Variants in PRRC2C observed in about 807,000 individuals in gnomAD.
The protein encoded by PRRC2C is protein PRRC2C.
A neutral mutation model predicts 317.2 loss-of-function variants in PRRC2C; 72 were observed. The observed-to-expected ratio is 0.23, with a 90% CI of 0.19 to 0.28. PRRC2C has a LOEUF of 0.28. PRRC2C is among the 10% of genes least tolerant of loss of function. The pLI is 1.00. For synonymous variants in PRRC2C, 1,296 were observed against 1,205.9 expected, an observed-to-expected ratio of 1.07 and a Z score of -1.55; for missense variants, 3,074 against 3,459.7, an observed-to-expected ratio of 0.89 and a Z score of 2.80.
chr1:171,496,494 C>T (rs954896324), intron 1 of PRRC2C, among the ~76,000 whole-genome samples: 3 of 151,848 alleles, frequency 2.0e-5, no homozygotes, highest in Non-Finnish European at 2.9e-5. Flanking sequence ...TGAGCCACTG[C>T]GCCTGGCCTG....
At chr1:171,498,460 G>A (rs915280686) in intron 1 of PRRC2C, among the ~76,000 whole-genome samples, 4 of 152,146 alleles carry the variant, frequency 2.6e-5, no homozygotes, top group Admixed American at 2.6e-4. Flanking sequence ...AGCCCACATG[G>A]CCCAATCACC....
At chr1:171,546,862 C>T (rs1679208080) in intron 17 of PRRC2C, among the ~76,000 whole-genome samples, 1 of 152,084 alleles carries the variant, frequency 6.6e-6, no homozygotes, top group Admixed American at 6.5e-5. Context: ...AAGCCATCCA[C>T]CCACCTTGGC....
rs748918352 is a variant in PRRC2C at position 171,540,612 on chromosome 1, T to C, written c.3146T>C (p.Val1049Ala). The change falls in exon 16 of 35, where the codon GTT (valine) becomes GCT (alanine). Residue 1049 changes from valine (V) to alanine (A), a missense_variant. Coordinates refer to ENST00000647382, the MANE Select transcript of PRRC2C (RefSeq NM_001387844.1). The stretch of plus-strand genomic sequence containing the variant: ...GCCGAAAAGGTCACTGAAAAAGTAG[T>C]TGTAAAGCCTGAAAAGACGGAAAAG... ...EKAEKVTEKV[V>A]VKPEKTEKKD... 1.9e-6 allele frequency: 3 copies of C among 1,613,678 alleles called. No homozygotes were observed.
chr1:171,513,941 T>A (rs1671843344), intron 3 of PRRC2C, among the ~76,000 whole-genome samples: 1 of 152,228 alleles, frequency 6.6e-6, no homozygotes. Context: ...AGAAACACAT[T>A]GCATTTTGTG....
At chr1:171,490,324 T>C (rs1436370743) in intron 1 of PRRC2C, among the ~76,000 whole-genome samples, 3 of 152,236 alleles carry the variant, frequency 2.0e-5, no homozygotes, top group Non-Finnish European at 4.4e-5. Flanking sequence ...AATCATCCAG[T>C]ATACTACCAG....
intron 19 of PRRC2C, among the ~76,000 whole-genome samples, chr1:171,559,702 A>C (rs560273783): frequency 1.1e-4 from 17 of 151,506 alleles, no homozygotes; most frequent in Non-Finnish European, 2.1e-4. Context: ...TGTATTTTTC[A>C]TAGAGACGGG....
chr1:171,542,792 G>A (rs1042934103), intron 16 of PRRC2C, among the ~76,000 whole-genome samples: 2 of 151,760 alleles, frequency 1.3e-5, no homozygotes, highest in East Asian at 2.0e-4. Context: ...ATGGAGTCTC[G>A]CCTTGTCACC....
chr1:171,592,570 G>A lies in PRRC2C; in HGVS notation c.*723G>A, dbSNP rs887273821. Reference sequence around the variant, plus strand: ...TGGTTGTGGTCTGAAGCTTTGAAGCGCTACTTAGCATCTCCTTTCTTCCAT... The same window carrying A: ...TGGTTGTGGTCTGAAGCTTTGAAGCACTACTTAGCATCTCCTTTCTTCCAT... On this transcript the variant is annotated 3_prime_UTR_variant, in exon 35 of 35. Coordinates refer to ENST00000647382, the MANE Select transcript of PRRC2C (RefSeq NM_001387844.1). 1.3e-5 allele frequency: 2 copies of A among 152,202 alleles called. No homozygotes were observed. Among genetic ancestry groups the A allele is most frequent in the Non-Finnish European group, 2.9e-5 (2 of 68,062 alleles). The allele number at this position is 152,202 out of a possible 1,614,324, so 9.4% of individuals were successfully genotyped here.
chr1:171,508,289 G>A (rs1416794594), intron 1 of PRRC2C, among the ~76,000 whole-genome samples: 1 of 152,252 alleles, frequency 6.6e-6, no homozygotes, highest in African/African-American at 2.4e-5. Context: ...TTTTGTAAAT[G>A]ACCTTTATTA....
intron 1 of PRRC2C, among the ~76,000 whole-genome samples, chr1:171,496,623 C>T (rs984916556): frequency 3.9e-5 from 6 of 152,180 alleles, no homozygotes; most frequent in Non-Finnish European, 7.3e-5. Context: ...ATAGTATGCA[C>T]ATAGGCACAC....
chr1:171,504,749 G>GT (rs1669858118), intron 1 of PRRC2C, among the ~76,000 whole-genome samples: 1 of 152,064 alleles, frequency 6.6e-6, no homozygotes, highest in Admixed American at 6.6e-5. Context: ...TAGGGGGTGG[G>GT]TGGTGCTGTT....
chr1:171,525,507 G>A (rs1213921041), intron 10 of PRRC2C, among the ~76,000 whole-genome samples: 2 of 152,114 alleles, frequency 1.3e-5, no homozygotes, highest in Non-Finnish European at 2.9e-5. Context: ...TACTTTCAAG[G>A]GAGTCCACTT....
intron 1 of PRRC2C, among the ~76,000 whole-genome samples, chr1:171,506,634 C>G (rs1217149764): frequency 7.6e-6 from 1 of 131,544 alleles, no homozygotes; most frequent in Non-Finnish European, 1.6e-5. Context: ...TCCACTTTAT[C>G]TTTCCCATTG....
Position 171,566,191 on chromosome 1 carries a change from A to G in PRRC2C, c.6118-42A>G, listed in dbSNP as rs182621319. On this transcript the variant is annotated intron_variant, in intron 20 of 34. Coordinates refer to ENST00000647382, the MANE Select transcript of PRRC2C (RefSeq NM_001387844.1). ...GTGCTTCATAAATCAGTCACATCTG[A>G]ACTATACTTTGCAAGCAAGTTTTAA... The G allele has an allele frequency of 7.5e-5, 114 of 1,518,154 alleles. 3 individuals carry two copies. In the Admixed American group the frequency reaches 2.1e-3, roughly 28 times the overall value. The allele number at this position is 1,518,154 out of a possible 1,614,324, so 94.0% of individuals were successfully genotyped here. A position where few individuals can be genotyped will look rare whatever the true frequency, so the allele number is the denominator to read the frequency against.
intron 20 of PRRC2C, among the ~76,000 whole-genome samples, chr1:171,562,519 G>T (rs577109272): frequency 2.6e-5 from 4 of 152,326 alleles, no homozygotes; most frequent in Admixed American, 6.5e-5. Context: ...CTGGGAAGTG[G>T]CATGAAAGGT....
chr1:171,554,323 G>C (rs978647148), intron 18 of PRRC2C, among the ~76,000 whole-genome samples: 28 of 152,102 alleles, frequency 1.8e-4, no homozygotes, highest in African/African-American at 5.6e-4. Flanking sequence ...TTGCTTAGTA[G>C]ATCTTCCTCC....
rs372618699 is a variant in PRRC2C, at chr1:171,584,383, A to G, written c.7642-36A>G. 1.1e-4 allele frequency: 160 copies of G among 1,503,628 alleles called. 1 individual carries two copies. The highest frequency in any genetic ancestry group is 3.5e-4 in the Admixed American group (14 of 40,244). The allele number at this position is 1,503,628 out of a possible 1,614,324, so 93.1% of individuals were successfully genotyped here. A position where few individuals can be genotyped will look rare whatever the true frequency, so the allele number is the denominator to read the frequency against. ...CACCTCTGAATTTGAAATTTTTTTCAGTCTTACTCATGTTTTCTTAAAAAA... is the reference window on the plus strand; with the variant it reads ...CACCTCTGAATTTGAAATTTTTTTCGGTCTTACTCATGTTTTCTTAAAAAA... On this transcript the variant is annotated intron_variant, in intron 29 of 34. Coordinates refer to ENST00000647382, the MANE Select transcript of PRRC2C (RefSeq NM_001387844.1).
intron 1 of PRRC2C, among the ~76,000 whole-genome samples, chr1:171,500,714 A>G (rs1668944068): frequency 6.6e-6 from 1 of 152,330 alleles, no homozygotes; most frequent in Middle Eastern, 3.4e-3. Flanking sequence ...TAATGTATAT[A>G]TTAAACTGCT....
At chr1:171,487,611 G>T (rs2207194) in intron 1 of PRRC2C, among the ~76,000 whole-genome samples, 2 of 151,900 alleles carry the variant, frequency 1.3e-5, no homozygotes, top group Admixed American at 6.6e-5. Flanking sequence ...AAATTTAGGC[G>T]TCTGATCTAT....
Sources: gnomAD v4.1 joint callset for allele counts (sites outside exome capture counted in the v4.1 genomes callset) on GRCh38, gnomAD v4.1.1 for gene constraint, MANE v1.5 for transcripts, NCBI Gene and HGNC (gene_info 2026-07-23, HGNC 2026-07-21) for gene names.